Variants in RPS6KA2 observed in about 807,000 individuals in gnomAD.
RPS6KA2 encodes ribosomal protein S6 kinase A2, also known as ribosomal protein S6 kinase alpha-2.
In RPS6KA2, 42 loss-of-function variants were observed where a neutral mutation model predicts 91.8. That is an observed-to-expected ratio of 0.46 (90% CI 0.36 to 0.59). The LOEUF (loss-of-function observed/expected upper bound fraction) is 0.59. RPS6KA2 is among the 20% of genes least tolerant of loss of function. The pLI, the probability that RPS6KA2 is intolerant of heterozygous loss-of-function variation, is 0.00. For synonymous variants in RPS6KA2, 414 were observed against 393.6 expected (o/e 1.05, Z -0.61); for missense variants, 798 against 978.5 (o/e 0.82, Z 2.46).
chr6:166,579,810 A>C (rs1784949375), intron 1 of RPS6KA2, among the ~76,000 whole-genome samples: 1 of 152,198 alleles, frequency 6.6e-6, no homozygotes, highest in Non-Finnish European at 1.5e-5. Flanking sequence ...TTGAAATTTT[A>C]TCTCTAAAGA....
chr6:166,454,705 C>T (rs1447312392), intron 12 of RPS6KA2, among the ~76,000 whole-genome samples: 4 of 151,984 alleles, frequency 2.6e-5, no homozygotes, highest in South Asian at 2.1e-4. Flanking sequence ...GTCCTGCCAG[C>T]GAGACCAGGG....
chr6:166,622,640 G>T (rs1166233053), intron 1 of RPS6KA2, among the ~76,000 whole-genome samples: 2 of 152,142 alleles, frequency 1.3e-5, no homozygotes, highest in Admixed American at 6.5e-5. Context: ...AGCCAATATT[G>T]TTCCTGATGC....
intron 1 of RPS6KA2, among the ~76,000 whole-genome samples, chr6:166,594,363 CAATAA>C (rs1785460821): frequency 6.6e-6 from 1 of 151,976 alleles, no homozygotes; most frequent in Non-Finnish European, 1.5e-5. Flanking sequence ...ATAATTTTCA[CAATAA>C]AATGTGTTAT....
At chr6:166,529,634 A>C (rs911473618) in intron 3 of RPS6KA2, among the ~76,000 whole-genome samples, 1 of 152,262 alleles carries the variant, frequency 6.6e-6, no homozygotes, top group Non-Finnish European at 1.5e-5. Flanking sequence ...ACTGAACTAA[A>C]AACTTGAGTG....
chr6:166,586,585 C>T (rs1785182637), intron 1 of RPS6KA2: 4 of 1,014,288 alleles, frequency 3.9e-6, no homozygotes, highest in Non-Finnish European at 5.6e-6. Context: ...GCCGGCGAGA[C>T]ACTGAGAAGC....
intron 2 of RPS6KA2, among the ~76,000 whole-genome samples, chr6:166,832,085 T>G (rs548337292): frequency 1.5e-3 from 211 of 143,388 alleles, no homozygotes; most frequent in African/African-American, 5.2e-3. Context: ...TAGATAGATA[T>G]AGATAATCTA....
chr6:166,788,936 G>A (rs1486060176), intron 2 of RPS6KA2, among the ~76,000 whole-genome samples: 9 of 152,320 alleles, frequency 5.9e-5, no homozygotes, highest in East Asian at 5.8e-4. Flanking sequence ...GGTGAGTGAC[G>A]CAGAAGACAG....
intron 2 of RPS6KA2, among the ~76,000 whole-genome samples, chr6:166,766,497 T>C (rs1778314773): frequency 6.6e-6 from 1 of 152,256 alleles, no homozygotes; most frequent in Non-Finnish European, 1.5e-5. Context: ...GTGTTTTCCT[T>C]TCAAGCTTTT....
At chr6:166,686,925 G>A (rs1789036330) in intron 2 of RPS6KA2, among the ~76,000 whole-genome samples, 1 of 152,224 alleles carries the variant, frequency 6.6e-6, no homozygotes, top group Non-Finnish European at 1.5e-5. Context: ...AAAGAACAGG[G>A]GTGAGGGGAG....
At chr6:166,836,136 T>C (rs896995483) in intron 2 of RPS6KA2, among the ~76,000 whole-genome samples, 5 of 152,148 alleles carry the variant, frequency 3.3e-5, no homozygotes, top group African/African-American at 1.2e-4. Flanking sequence ...AATATTTTCC[T>C]AAGGAAAATA....
rs1229468081 is a variant in RPS6KA2, at chr6:166,635,822, C to T, written c.124-97038G>A. Among the ~76,000 whole-genome samples the T allele has an allele frequency of 2.0e-5, 3 of 151,950 alleles. No individual in the cohort carries two copies. The highest frequency in any genetic ancestry group is 1.9e-4 in the East Asian group (1 of 5,170). ...CCCTGGGGAGAAGGCTGCATCCACC[C>T]CAGGAGGGTGACCTGGGTGTGTCCG... is the stretch of plus-strand genomic sequence containing the variant. On this transcript the variant is annotated intron_variant, in intron 2 of 21. Transcript: ENST00000503859. The surrounding 1 kb of genome is among the most constrained non-coding windows in gnomAD (Gnocchi z 4.8).
chr6:166,686,683 G>A (rs1470155114), intron 2 of RPS6KA2, among the ~76,000 whole-genome samples: 9 of 152,170 alleles, frequency 5.9e-5, no homozygotes, highest in Non-Finnish European at 1.0e-4. Flanking sequence ...CTTGCTCCCC[G>A]GCTGAGCTGG....
intron 2 of RPS6KA2, among the ~76,000 whole-genome samples, chr6:166,641,830 A>C (rs1787448494): frequency 6.7e-6 from 1 of 148,652 alleles, no homozygotes; most frequent in Non-Finnish European, 1.5e-5. Context: ...GAGACGTTGG[A>C]TCTGATGATA....
intron 1 of RPS6KA2, among the ~76,000 whole-genome samples, chr6:166,608,026 AAAAG>A (rs1403247822): frequency 1.3e-4 from 20 of 152,092 alleles, no homozygotes; most frequent in African/African-American, 4.6e-4. Flanking sequence ...AAAAAAAAAA[AAAAG>A]AGAGAGAGAG....
chr6:166,747,459 C>T lies in RPS6KA2; in HGVS notation c.123+110741G>A, dbSNP rs112234222. Among the ~76,000 whole-genome samples the T allele has an allele frequency of 1.5e-3, 222 of 152,288 alleles. 1 individual carries two copies. Among genetic ancestry groups the T allele is most frequent in the African/African-American group, 5.1e-3 (213 of 41,552 alleles). ...GAGGCTATTTCAAACTTTTGCACAC[C>T]GACAATGTTCTACAACATCCTTCAC... On this transcript the variant is annotated intron_variant, in intron 2 of 21. Coordinates refer to the RPS6KA2 transcript ENST00000503859.
intron 1 of RPS6KA2, among the ~76,000 whole-genome samples, chr6:166,560,101 C>T (rs989641760): frequency 6.6e-6 from 1 of 152,240 alleles, no homozygotes; most frequent in African/African-American, 2.4e-5. Context: ...ATACCACACA[C>T]TGTCAGGACA....
Position 166,683,059 on chromosome 6 carries a change from G to A in RPS6KA2, c.124-144275C>T, listed in dbSNP as rs80239879. Among the ~76,000 whole-genome samples the A allele has an allele frequency of 1.7e-3, 254 of 152,336 alleles. 2 individuals are homozygous for A. In the East Asian group the frequency reaches 0.037, roughly 22 times the overall value. On this transcript the variant is annotated intron_variant, in intron 2 of 21. Transcript: ENST00000503859. ...ATGGGTCTCGCCGCTTGCCCTCGGT[G>A]AAGCCCAGCCTGAGACCACAGCTGG...
intron 2 of RPS6KA2, among the ~76,000 whole-genome samples, chr6:166,780,629 A>G (rs1778744869): frequency 6.6e-6 from 1 of 152,186 alleles, no homozygotes; most frequent in Non-Finnish European, 1.5e-5. Context: ...AGGAGAAAAC[A>G]TCATTCAGTG....
intron 2 of RPS6KA2, chr6:166,700,955 G>C (rs1789496973): frequency 1.5e-6 from 1 of 688,844 alleles, no homozygotes; most frequent in Non-Finnish European, 2.6e-6. Flanking sequence ...GAGTTCAAAA[G>C]TTGCCTGGTC....
Sources: gnomAD v4.1 joint callset for allele counts (sites outside exome capture counted in the v4.1 genomes callset) on GRCh38, gnomAD v4.1.1 for gene constraint, Gnocchi (gnomAD v3.1) non-coding constraint, MANE v1.5 for transcripts, NCBI Gene and HGNC (gene_info 2026-07-23, HGNC 2026-07-21) for gene names.